Variants in HSF4 observed in about 807,000 individuals in gnomAD.
The protein encoded by HSF4 is heat shock factor protein 4.
In HSF4, 41 loss-of-function variants were observed where a neutral mutation model predicts 52.0. The observed-to-expected ratio is 0.79, with a 90% CI of 0.61 to 1.02. The LOEUF (loss-of-function observed/expected upper bound fraction) is 1.02, where lower values mean the gene tolerates loss of function less well. Among genes scored for constraint, HSF4 ranks in the 50% least tolerant of loss-of-function variants. HSF4 has a pLI of 0.00. For missense variants in HSF4, 610 were observed against 651.1 expected (o/e 0.94, Z 0.69); for synonymous variants, 285 against 273.0 (o/e 1.04, Z -0.43).
chr16:67,169,532 T>G lies in HSF4; in HGVS notation c.1325-99T>G. The G allele has an allele frequency of 6.3e-7, 1 of 1,597,084 alleles. No homozygotes were observed. The highest frequency in any genetic ancestry group is 2.2e-5 in the East Asian group (1 of 44,804). ...AGTGGGGAGGTTAAGAATGGATGTT[T>G]TATCCTAACTGAGCAGAAGGCAGGC... On this transcript the variant is annotated intron_variant, in intron 12 of 12. Coordinates refer to ENST00000521374, the MANE Select transcript of HSF4 (RefSeq NM_001374675.1). The surrounding 1 kb of genome is among the most constrained non-coding windows in gnomAD (Gnocchi z 4.3).
At position 67,165,113 on chromosome 16, in the gene HSF4, G is replaced by A; in HGVS notation, c.123+179G>A. ...GGGGGTTTCCTCTGCGGCCGAAGAA[G>A]GGTTAGGAGCCTGCCTTCTGAAGAC... On this transcript the variant is annotated intron_variant, in intron 1 of 12. Transcript: ENST00000521374. The surrounding 1 kb of genome is among the most constrained non-coding windows in gnomAD (Gnocchi z 6.9). 2 of 698,738 alleles carry A rather than the reference G, an allele frequency of 2.9e-6. No homozygotes were observed. Among genetic ancestry groups the A allele is most frequent in the Non-Finnish European group, 4.7e-6 (2 of 428,344 alleles). The allele number at this position is 698,738 out of a possible 1,614,324, so 43.3% of individuals were successfully genotyped here.
At position 67,165,216 on chromosome 16, in the gene HSF4, G is replaced by A; in HGVS notation, c.123+282G>A. The A allele has an allele frequency of 3.4e-6, 2 of 592,338 alleles. No homozygotes were observed. Among genetic ancestry groups the A allele is most frequent in the Non-Finnish European group, 6.0e-6 (2 of 332,980 alleles). 36.7% of individuals were successfully genotyped at this position (592,338 alleles called of 1,614,324 possible). ...ACAGATGGGAAAACAGAGGCCGGGA[G>A]ATGGGAAGGGCTGGTCTAGCTCAGG... On this transcript the variant is annotated intron_variant, in intron 1 of 12. Transcript: ENST00000521374. The surrounding 1 kb of genome is among the most constrained non-coding windows in gnomAD (Gnocchi z 6.9).
upstream of HSF4, chr16:67,164,595 C>A: frequency 1.9e-6 from 1 of 516,996 alleles, no homozygotes; most frequent in Non-Finnish European, 3.7e-6. Flanking sequence ...CCCTCCACTC[C>A]ACTCCACTCC....
Position 67,165,401 on chromosome 16 carries a change from G to T in HSF4, c.124-121G>T. On this transcript the variant is annotated intron_variant, in intron 1 of 12. Coordinates refer to ENST00000521374, the MANE Select transcript of HSF4 (RefSeq NM_001374675.1). The surrounding 1 kb of genome is among the most constrained non-coding windows in gnomAD (Gnocchi z 6.9). Reference sequence around the variant, plus strand: ...CGACCCATATCCCCGTAAGCGGCAGGCCTGGACCCAAGAGTGAGCATGAGT... The same window carrying T: ...CGACCCATATCCCCGTAAGCGGCAGTCCTGGACCCAAGAGTGAGCATGAGT... 1.1e-6 allele frequency: 1 copy of T among 932,796 alleles called. No homozygotes were observed. 57.8% of individuals were successfully genotyped at this position (932,796 alleles called of 1,614,324 possible). A position where few individuals can be genotyped will look rare whatever the true frequency, so the allele number is the denominator to read the frequency against.
At position 67,169,066 on chromosome 16, in the gene HSF4, T is replaced by A. The variant is rs773371939; in HGVS notation, c.1219T>A (p.Trp407Arg). ...GGGCCCCAGTCTCCAAGGGCGAGAA[T>A]GGACCCTGATGGACTTGGACATGGA... ...VLGPSLQGRE[W>R]TLMDLDMELS... is the part of the protein sequence containing the mutation. Residue 407 changes from tryptophan (W) to arginine (R), a missense_variant, in exon 11 of 13, where the codon TGG (tryptophan) becomes AGG (arginine). Physicochemically the swap from Trp to Arg is moderately radical, Grantham distance 101 (BLOSUM62 -3). Coordinates refer to ENST00000521374, the MANE Select transcript of HSF4 (RefSeq NM_001374675.1). The surrounding 1 kb of genome is among the most constrained non-coding windows in gnomAD (Gnocchi z 4.3). 5 of 1,613,600 alleles carry A rather than the reference T, an allele frequency of 3.1e-6. No homozygotes were observed. The highest frequency in any genetic ancestry group is 4.2e-6 in the Non-Finnish European group (5 of 1,180,028).
intron 7 of HSF4, 72 bp from the exon 8 acceptor site, chr16:67,167,403 G>C (rs987230745): frequency 6.2e-7 from 1 of 1,613,006 alleles, no homozygotes; most frequent in Non-Finnish European, 8.5e-7. Context: ...CCTGGCCCAG[G>C]TGGGTGTTGG....
At position 67,165,236 on chromosome 16, in the gene HSF4, C is replaced by T. The variant is rs1005191871; in HGVS notation, c.124-286C>T. On this transcript the variant is annotated intron_variant, in intron 1 of 12. Coordinates refer to ENST00000521374, the MANE Select transcript of HSF4 (RefSeq NM_001374675.1). This position sits in a 1 kb window ranked among gnomAD's most constrained non-coding sequence, Gnocchi z 6.9. ...CGGGAGATGGGAAGGGCTGGTCTAG[C>T]TCAGGGTCACATTGCGGGGCTGGGA... The T allele has an allele frequency of 1.5e-5, 9 of 594,462 alleles. No homozygotes were observed. The highest frequency in any genetic ancestry group is 2.4e-5 in the Non-Finnish European group (8 of 334,244). 36.8% of individuals were successfully genotyped at this position (594,462 alleles called of 1,614,324 possible). A position where few individuals can be genotyped will look rare whatever the true frequency, so the allele number is the denominator to read the frequency against.
chr16:67,164,943 CG>C lies in HSF4; in HGVS notation c.123+13del. On this transcript the variant is annotated intron_variant, in intron 1 of 12. Coordinates refer to ENST00000521374, the MANE Select transcript of HSF4 (RefSeq NM_001374675.1). Reference sequence around the variant, plus strand: ...TGATCCGCTGGAGCCCGGTGAGGGCCGGGGCCCCTCGATTCCCCCTGTGGTC... The same window carrying C: ...TGATCCGCTGGAGCCCGGTGAGGGCCGGGCCCCTCGATTCCCCCTGTGGTC... The C allele has an allele frequency of 6.3e-7, 1 of 1,596,220 alleles. No homozygotes were observed.
Position 67,169,407 on chromosome 16 carries a change from A to T in HSF4, c.1324+59A>T. 1 of 1,587,230 alleles carries T rather than the reference A, an allele frequency of 6.3e-7. No individual in the cohort carries two copies. Among genetic ancestry groups the T allele is most frequent in the South Asian group, 1.1e-5 (1 of 88,332 alleles). On this transcript the variant is annotated intron_variant, in intron 12 of 12. Coordinates refer to ENST00000521374, the MANE Select transcript of HSF4 (RefSeq NM_001374675.1). The surrounding 1 kb of genome is among the most constrained non-coding windows in gnomAD (Gnocchi z 4.3). ...GCCGTGATTGGGCTGAGCTACCTTGATTGAGTGAGGGGGCAATCTGCAATT... is the reference window on the plus strand; with the variant it reads ...GCCGTGATTGGGCTGAGCTACCTTGTTTGAGTGAGGGGGCAATCTGCAATT...
chr16:67,167,184 C>T lies in HSF4; in HGVS notation c.691C>T (p.Pro231Ser), dbSNP rs948026997. 6.2e-7 allele frequency: 1 copy of T among 1,614,082 alleles called. No individual in the cohort carries two copies. The highest frequency in any genetic ancestry group is 1.3e-5 in the African/African-American group (1 of 74,944). The change falls in exon 7 of 13, where the codon CCT (proline) becomes TCT (serine). Residue 231 changes from proline to serine, a missense_variant. Pro to Ser is a moderately conservative substitution (Grantham distance 74). Coordinates refer to ENST00000521374, the MANE Select transcript of HSF4 (RefSeq NM_001374675.1). The part of the protein sequence containing the change: ...TPAKFNTCPL[P>S]GALLQDPYFI... ...TGCCAAGTTCAACACCTGCCCTCTA[C>T]CTGGTGCCCTTCTGCAGGACCCCTA...
At position 67,167,922 on chromosome 16, in the gene HSF4, G is replaced by C; in HGVS notation, c.1057G>C (p.Gly353Arg). 6.3e-7 allele frequency: 1 copy of C among 1,597,972 alleles called. No homozygotes were observed. Among genetic ancestry groups the C allele is most frequent in the East Asian group, 2.2e-5 (1 of 44,574 alleles). Reference sequence around the variant, plus strand: ...CAGGAATGCCCAACAGCCTGAACCAGGGGATCCCAGGGAGATACCTGACAG... The same window carrying C: ...CAGGAATGCCCAACAGCCTGAACCACGGGATCCCAGGGAGATACCTGACAG... ...GPRNAQQPEPGDPREIPDRGP... is the reference protein window; with the variant it reads ...GPRNAQQPEPRDPREIPDRGP... Residue 353 changes from glycine to arginine, a missense_variant, in exon 9 of 13, where the codon GGG (glycine) becomes CGG (arginine). Gly to Arg is a moderately radical substitution (Grantham distance 125). Coordinates refer to ENST00000521374, the MANE Select transcript of HSF4 (RefSeq NM_001374675.1).
upstream of HSF4, chr16:67,164,333 A>C: frequency 5.1e-6 from 2 of 395,354 alleles, no homozygotes; most frequent in Non-Finnish European, 5.1e-6. Flanking sequence ...CACCCTTGGA[A>C]TGACTACGTC....
chr16:67,165,668 G>A lies in HSF4; in HGVS notation c.232+38G>A, dbSNP rs773538422. 6.2e-6 allele frequency: 10 copies of A among 1,612,342 alleles called. No individual in the cohort carries two copies. Among genetic ancestry groups the A allele is most frequent in the South Asian group, 1.1e-5 (1 of 91,092 alleles). On this transcript the variant is annotated intron_variant, in intron 2 of 12. Coordinates refer to ENST00000521374, the MANE Select transcript of HSF4 (RefSeq NM_001374675.1). The surrounding 1 kb of genome is among the most constrained non-coding windows in gnomAD (Gnocchi z 6.9). Reference sequence around the variant, plus strand: ...GGCCGGGCGGGGAGCGGGGATGGGGGACTCGGTGCCGGGGATGGGGCGACC... The same window carrying A: ...GGCCGGGCGGGGAGCGGGGATGGGGAACTCGGTGCCGGGGATGGGGCGACC...
In HSF4 at chr16:67,165,972, C is replaced by T; in HGVS notation, c.387C>T (p.Gly129=). 1 of 1,556,918 alleles carries T rather than the reference C, an allele frequency of 6.4e-7. No homozygotes were observed. Among genetic ancestry groups the T allele is most frequent in the Non-Finnish European group, 8.6e-7 (1 of 1,160,042 alleles). ...RKVPALRGDD[G]RWRPEDLGRL... ...TGCCCGCGCTGCGCGGCGACGACGGCCGCTGGCGCCCGGAGGACCTGGGTC... is the reference window on the plus strand; with the variant it reads ...TGCCCGCGCTGCGCGGCGACGACGGTCGCTGGCGCCCGGAGGACCTGGGTC... Residue 129 remains glycine, a synonymous_variant, in exon 4 of 13, where the codon GGC becomes GGT. Coordinates refer to ENST00000521374, the MANE Select transcript of HSF4 (RefSeq NM_001374675.1). This position sits in a 1 kb window ranked among gnomAD's most constrained non-coding sequence, Gnocchi z 6.9.
chr16:67,164,823 G>C lies in HSF4; in HGVS notation c.12G>C (p.Ala4=). Residue 4 remains alanine (A), a synonymous_variant, in exon 1 of 13, where the codon GCG becomes GCC. Transcript: ENST00000521374. MQE[A]PAALPTEPGP... Reference sequence around the variant, plus strand: ...GCCGAGACTGCACCATGCAGGAAGCGCCAGCTGCGCTGCCCACGGAGCCAG... The same window carrying C: ...GCCGAGACTGCACCATGCAGGAAGCCCCAGCTGCGCTGCCCACGGAGCCAG... 2 of 1,600,718 alleles carry C rather than the reference G, an allele frequency of 1.2e-6. No individual in the cohort carries two copies. Among genetic ancestry groups the C allele is most frequent in the Non-Finnish European group, 1.7e-6 (2 of 1,178,352 alleles).
At chr16:67,168,169 A>C (rs2031442570) in intron 9 of HSF4, among the ~76,000 whole-genome samples, 1 of 152,232 alleles carries the variant, frequency 6.6e-6, no homozygotes, top group Admixed American at 6.5e-5. Context: ...TGCAAAGTAC[A>C]CAATAGTTTA....
intron 6 of HSF4, 126 bp from the exon 7 acceptor site, chr16:67,166,994 C>A: frequency 7.6e-7 from 1 of 1,320,058 alleles, no homozygotes; most frequent in Non-Finnish European, 1.1e-6. Context: ...TGACTGACAC[C>A]CTAGCAACAG....
At position 67,167,868 on chromosome 16, in the gene HSF4, G is replaced by A; in HGVS notation, c.1003G>A (p.Gly335Arg). The change falls in exon 9 of 13, where the codon GGG becomes AGG. Residue 335 changes from glycine to arginine, a missense_variant. Coordinates refer to ENST00000521374, the MANE Select transcript of HSF4 (RefSeq NM_001374675.1). ...GGCTGTGGTGCAGGCCATCCTGGAA[G>A]GGAAAGGGAGCTTCAGCCCCGAGGG... ...PVAVVQAILE[G>R]KGSFSPEGPR... 1 of 1,606,406 alleles carries A rather than the reference G, an allele frequency of 6.2e-7. No homozygotes were observed. The highest frequency in any genetic ancestry group is 1.1e-5 in the South Asian group (1 of 90,024).
intron 6 of HSF4, 118 bp downstream of exon 6, chr16:67,166,740 C>T (rs1323036200): frequency 1.8e-5 from 17 of 953,726 alleles, no homozygotes; most frequent in South Asian, 1.1e-4. Context: ...CCTCCCCCTG[C>T]GCTACAGGCT....
Sources: allele counts gnomAD v4.1 joint callset (sites outside exome capture counted in the v4.1 genomes callset), GRCh38; gene constraint gnomAD v4.1.1; non-coding constraint Gnocchi (gnomAD v3.1); transcripts MANE v1.5; gene names NCBI Gene and HGNC (gene_info 2026-07-23, HGNC 2026-07-21).